Variants in ZNF592 observed in about 807,000 individuals in gnomAD.
ZNF592 encodes the protein zinc finger protein 592.
In ZNF592, 11 loss-of-function variants were observed where a neutral mutation model predicts 80.3. The ratio of observed to expected loss-of-function variants is 0.14; its 90% confidence interval spans 0.09 to 0.23. The LOEUF (loss-of-function observed/expected upper bound fraction) is 0.23. Ranked by LOEUF, ZNF592 falls within the 10% of genes least tolerant of loss-of-function variation. The pLI is 1.00. For synonymous variants in ZNF592, 646 were observed against 640.3 expected (o/e 1.01, Z -0.13); for missense variants, 1,420 against 1,633.9 (o/e 0.87, Z 2.26).
chr15:84,801,520 G>A (rs895054713), intron 10 of ZNF592, among the ~76,000 whole-genome samples: 1 of 152,114 alleles, frequency 6.6e-6, no homozygotes, highest in Non-Finnish European at 1.5e-5. Flanking sequence ...AGAAAAGTAT[G>A]CATGGCATGC....
In ZNF592 at chr15:84,756,672, A is replaced by G. The variant is rs1051031733; in HGVS notation, c.-259+8008A>G. On this transcript the variant is annotated intron_variant, in intron 1 of 10. Transcript: ENST00000560079. ...GACTTGAACTTAACTGGCTGAGATT[A>G]TAAAAACTATCACCATTTAATACTT... 2.6e-5 allele frequency among the ~76,000 whole-genome samples: 4 copies of G among 152,326 alleles called. No individual in the cohort carries two copies. In the South Asian group the frequency reaches 8.3e-4, roughly 32 times the overall value.
intron 2 of ZNF592, among the ~76,000 whole-genome samples, chr15:84,765,532 A>ATTTTT (rs1200418029): frequency 1.6e-5 from 1 of 63,624 alleles, no homozygotes; most frequent in Non-Finnish European, 3.3e-5. Flanking sequence ...ACTTGTTATT[A>ATTTTT]TTGTTTTTTT....
At chr15:84,780,513 A>G (rs1024616394) in intron 3 of ZNF592, among the ~76,000 whole-genome samples, 8 of 152,196 alleles carry the variant, frequency 5.3e-5, no homozygotes, top group African/African-American at 1.9e-4. Context: ...AAAACTTTGT[A>G]TCTCATTCCA....
intron 1 of ZNF592, among the ~76,000 whole-genome samples, chr15:84,750,538 A>AG (rs1491221768): frequency 6.6e-6 from 1 of 152,214 alleles, no homozygotes; most frequent in African/African-American, 2.4e-5. Context: ...CTGAGGTATC[A>AG]GGGGTGGTAG....
rs768708904 is a variant in ZNF592 at position 84,802,410 on chromosome 15, G to A, written c.*17G>A. On this transcript the variant is annotated 3_prime_UTR_variant, in exon 11 of 11. Transcript: ENST00000560079. ...CAGGTGTGACCGGAGACTTTGCAGTGTGCATGGTCAGGGGTGGTGCCGAAG... is the reference window on the plus strand; with the variant it reads ...CAGGTGTGACCGGAGACTTTGCAGTATGCATGGTCAGGGGTGGTGCCGAAG... 1.2e-6 allele frequency: 2 copies of A among 1,612,992 alleles called. No homozygotes were observed. Among genetic ancestry groups the A allele is most frequent in the South Asian group, 2.2e-5 (2 of 91,038 alleles).
intron 1 of ZNF592, among the ~76,000 whole-genome samples, chr15:84,754,287 G>T (rs183346448): frequency 6.6e-6 from 1 of 152,232 alleles, no homozygotes; most frequent in East Asian, 1.9e-4. Flanking sequence ...AGCTGGGCAC[G>T]GTGGCTCGTG....
At chr15:84,786,875 G>C (rs1265067301) in intron 4 of ZNF592, among the ~76,000 whole-genome samples, 4 of 134,566 alleles carry the variant, frequency 3.0e-5, no homozygotes, top group Non-Finnish European at 4.7e-5. Flanking sequence ...TTGTGAGACG[G>C]AGTCTTGCTT....
intron 4 of ZNF592, among the ~76,000 whole-genome samples, chr15:84,789,447 C>A (rs1962680558): frequency 6.6e-6 from 1 of 152,098 alleles, no homozygotes; most frequent in Non-Finnish European, 1.5e-5. Flanking sequence ...TTGGTACACA[C>A]CCAGAAGTGG....
chr15:84,794,993 C>T (rs1403223570), intron 5 of ZNF592, among the ~76,000 whole-genome samples: 4 of 151,708 alleles, frequency 2.6e-5, no homozygotes, highest in Admixed American at 2.0e-4. Flanking sequence ...AACTCTACTA[C>T]AGAGTTTTAC....
intron 4 of ZNF592, among the ~76,000 whole-genome samples, chr15:84,785,775 CCTT>C (rs1962570747): frequency 1.3e-5 from 2 of 151,948 alleles, no homozygotes; most frequent in African/African-American, 4.8e-5. Flanking sequence ...TATGGAGCCT[CCTT>C]CTTTCAACTG....
intron 2 of ZNF592, among the ~76,000 whole-genome samples, chr15:84,770,672 G>C (rs937080325): frequency 4.6e-5 from 7 of 151,986 alleles, no homozygotes; most frequent in African/African-American, 7.3e-5. Flanking sequence ...GACCGGTGCA[G>C]TGGAATCACC....
chr15:84,787,035 G>C (rs1028037374), intron 4 of ZNF592, among the ~76,000 whole-genome samples: 1 of 151,832 alleles, frequency 6.6e-6, no homozygotes. Flanking sequence ...ATTTTTAGTA[G>C]AGATGGAGTT....
At chr15:84,787,170 A>AT (rs991991991) in intron 4 of ZNF592, among the ~76,000 whole-genome samples, 13 of 152,098 alleles carry the variant, frequency 8.5e-5, no homozygotes, top group Non-Finnish European at 1.8e-4. Context: ...ATCTTCTAAA[A>AT]TTTGAGTAGG....
At chr15:84,779,080 CAGAG>C (rs1381457086) in intron 3 of ZNF592, among the ~76,000 whole-genome samples, 2 of 152,158 alleles carry the variant, frequency 1.3e-5, no homozygotes, top group African/African-American at 2.4e-5. Context: ...TGTAGAGAGA[CAGAG>C]GGAGGGGGGC....
At position 84,798,461 on chromosome 15, in the gene ZNF592, T is replaced by C; in HGVS notation, c.2723T>C (p.Met908Thr). The C allele has an allele frequency of 1.9e-6, 3 of 1,613,976 alleles. No individual in the cohort carries two copies. The change falls in exon 7 of 11, where the codon ATG (methionine) becomes ACG (threonine). Residue 908 changes from methionine (M) to threonine (T), a missense_variant. Transcript: ENST00000560079. This position sits in a 1 kb window ranked among gnomAD's most constrained non-coding sequence, Gnocchi z 4.5. ...TTGTTCGTGCAGAAGCCGGAGTTGA[T>C]GCAACACGTCAAGGTGGGATGCCTT... ...PLLFVQKPEL[M>T]QHVKSTHGVP...
In ZNF592 at chr15:84,783,150, G is replaced by T. The variant is rs771402536; in HGVS notation, c.475G>T (p.Gly159Trp). The stretch of plus-strand genomic sequence containing the variant: ...GGATCCCATCAAAGATAACGGATTT[G>T]GGATAAAGCCCAAACACTCTGACAG... ...PEDPIKDNGFGIKPKHSDSYF... is the reference protein window; with the variant it reads ...PEDPIKDNGFWIKPKHSDSYF... The change falls in exon 4 of 11, where the codon GGG (glycine) becomes TGG (tryptophan). Residue 159 changes from glycine to tryptophan, a missense_variant. By Grantham distance (184) the Gly-to-Trp change is radical. Around this residue, in one of 7 missense-constraint regions of ZNF592, gnomAD observed 373 missense variants for 355.5 expected, o/e 1.05. Transcript: ENST00000560079. The surrounding 1 kb of genome is among the most constrained non-coding windows in gnomAD (Gnocchi z 5.0). 5 of 1,614,156 alleles carry T rather than the reference G, an allele frequency of 3.1e-6. No homozygotes were observed. The highest frequency in any genetic ancestry group is 4.2e-6 in the Non-Finnish European group (5 of 1,180,034).
At chr15:84,782,098 G>A (rs1278545273) in intron 3 of ZNF592, among the ~76,000 whole-genome samples, 1 of 152,114 alleles carries the variant, frequency 6.6e-6, no homozygotes, top group East Asian at 1.9e-4. Flanking sequence ...AAAATACCTA[G>A]GGATGATATA....
At chr15:84,773,584 A>T (rs998319503) in intron 2 of ZNF592, among the ~76,000 whole-genome samples, 1 of 152,074 alleles carries the variant, frequency 6.6e-6, no homozygotes, top group East Asian at 1.9e-4. Flanking sequence ...CATCCAGGGG[A>T]GAAGATCTAC....
chr15:84,797,224 G>A (rs1168076739), intron 5 of ZNF592, among the ~76,000 whole-genome samples: 3 of 152,170 alleles, frequency 2.0e-5, no homozygotes, highest in Non-Finnish European at 4.4e-5. Flanking sequence ...GCCTCCCCAA[G>A]TGCTGGGATT....
Sources: gnomAD v4.1 joint callset for allele counts (sites outside exome capture counted in the v4.1 genomes callset) on GRCh38, gnomAD v4.1.1 for gene constraint, gnomAD v4.1.1 regional missense constraint, Gnocchi (gnomAD v3.1) non-coding constraint, MANE v1.5 for transcripts, NCBI Gene and HGNC (gene_info 2026-07-23, HGNC 2026-07-21) for gene names.